The following OR56A3 variants were observed in gnomAD, a reference collection of about 807,000 sequenced individuals.
OR56A3 encodes the protein olfactory receptor 56A3.
In OR56A3, 23 loss-of-function variants were observed where a neutral mutation model predicts 17.5. The ratio of observed to expected loss-of-function variants is 1.32; its 90% CI spans 0.95 to 1.87. OR56A3 has a LOEUF of 1.87. Ranked by LOEUF, OR56A3 falls within the 40% of genes most tolerant of loss-of-function variation. The probability of loss-of-function intolerance (pLI) is 0.00; values close to 1 mark genes in which losing one functional copy is unlikely to be tolerated. For missense variants in OR56A3, 366 were observed against 380.1 expected (o/e 0.96, Z 0.31); for synonymous variants, 175 against 150.6 (o/e 1.16, Z -1.19).
the OR56A3 span, chr11:5,967,612 A>G: frequency 1.2e-6 from 2 of 1,613,766 alleles, no homozygotes; most frequent in African/African-American, 2.7e-5. Context: ...CTCACACCAT[A>G]AACAATGGGG....
chr11:5,969,208 C>G, the OR56A3 span, among the ~76,000 whole-genome samples: 1 of 152,212 alleles, frequency 6.6e-6, no homozygotes, highest in Non-Finnish European at 1.5e-5. Context: ...AAAGGTTATG[C>G]TGTTTTCATT....
the OR56A3 span, among the ~76,000 whole-genome samples, chr11:5,958,745 T>C: frequency 6.6e-6 from 1 of 152,168 alleles, no homozygotes; most frequent in African/African-American, 2.4e-5. Context: ...TTCTATCTAA[T>C]TGCAATTATG....
At chr11:6,019,281 A>C in the OR56A3 span, 4 of 152,118 alleles carry the variant, frequency 2.6e-5, no homozygotes, top group African/African-American at 9.7e-5. Context: ...GCAAAATACT[A>C]GCAAATCAAA....
chr11:5,985,465 C>T, the OR56A3 span, among the ~76,000 whole-genome samples: 43 of 152,312 alleles, frequency 2.8e-4, no homozygotes, highest in East Asian at 5.2e-3. Flanking sequence ...TCTTACACTG[C>T]GACCTTCTCA....
the OR56A3 span, among the ~76,000 whole-genome samples, chr11:5,975,101 T>C: frequency 1.3e-5 from 2 of 152,182 alleles, no homozygotes; most frequent in Non-Finnish European, 2.9e-5. Flanking sequence ...CTGTCATCAG[T>C]ATAAAGAGAG....
the OR56A3 span, among the ~76,000 whole-genome samples, chr11:5,968,754 T>TA: frequency 2.0e-5 from 3 of 151,996 alleles, no homozygotes; most frequent in Admixed American, 1.3e-4. Context: ...GAAAATGATT[T>TA]AAAAAAACCT....
the OR56A3 span, among the ~76,000 whole-genome samples, chr11:5,988,137 A>G: frequency 1.3e-5 from 2 of 152,170 alleles, no homozygotes; most frequent in African/African-American, 2.4e-5. Context: ...TCTGTCTCCA[A>G]ATTCCTTTAT....
the OR56A3 span, chr11:6,000,364 C>CA: frequency 1.3e-5 from 2 of 151,962 alleles, no homozygotes; most frequent in African/African-American, 4.8e-5. Context: ...ATCGCAAGGA[C>CA]AAAAAACCAA....
chr11:5,967,418 A>G, the OR56A3 span: 10 of 653,486 alleles, frequency 1.5e-5, no homozygotes, highest in South Asian at 2.1e-4. Context: ...ATATCCCTAT[A>G]ATCAATTGAA....
chr11:5,954,181 G>A (rs1387017779), downstream of OR56A3, among the ~76,000 whole-genome samples: 1 of 152,120 alleles, frequency 6.6e-6, no homozygotes, highest in Non-Finnish European at 1.5e-5. Flanking sequence ...GTGTGTGTGA[G>A]AACCAGCACA....
intron 2 of OR56A3, among the ~76,000 whole-genome samples, chr11:5,945,601 A>AAAAAAG (rs1194101404): frequency 3.6e-5 from 5 of 137,232 alleles, no homozygotes; most frequent in African/African-American, 5.7e-5. Flanking sequence ...AAAAAAAAAA[A>AAAAAAG]AATTATTTCT....
the OR56A3 span, among the ~76,000 whole-genome samples, chr11:5,996,564 G>A: frequency 6.6e-6 from 1 of 150,520 alleles, no homozygotes. Flanking sequence ...AAAATTTCTA[G>A]ATTCCTCCAA....
the OR56A3 span, chr11:6,002,378 T>C: frequency 1.2e-6 from 2 of 1,614,178 alleles, no homozygotes; most frequent in Admixed American, 1.7e-5. Flanking sequence ...GAGTCCAGCC[T>C]GCCACAAACT....
the OR56A3 span, among the ~76,000 whole-genome samples, chr11:5,972,753 C>T: frequency 1.5e-3 from 224 of 152,230 alleles, no homozygotes; most frequent in African/African-American, 4.7e-3. Flanking sequence ...CTCAGCCTCC[C>T]GAGTAGGTGG....
At chr11:6,006,926 G>T in the OR56A3 span, 1 of 152,380 alleles carries the variant, frequency 6.6e-6, no homozygotes, top group South Asian at 2.1e-4. Flanking sequence ...ACCAAATTCA[G>T]AAGGCTGTAC....
the OR56A3 span, among the ~76,000 whole-genome samples, chr11:5,991,362 A>G: frequency 6.6e-6 from 1 of 152,058 alleles, no homozygotes; most frequent in Non-Finnish European, 1.5e-5. Context: ...TTTTCCATCT[A>G]TATTCTTTTC....
the OR56A3 span, among the ~76,000 whole-genome samples, chr11:6,011,378 T>C: frequency 6.6e-6 from 1 of 152,128 alleles, no homozygotes; most frequent in Non-Finnish European, 1.5e-5. Flanking sequence ...GAAAATGTTC[T>C]TAAACAATAA....
the OR56A3 span, among the ~76,000 whole-genome samples, chr11:5,960,038 T>C: frequency 6.6e-6 from 1 of 152,228 alleles, no homozygotes. Context: ...CCTGTTTTTA[T>C]GCCAGTACCG....
chr11:6,019,518 G>A, the OR56A3 span: 23,561 of 152,222 alleles, frequency 0.15, 1,948 homozygotes, highest in Admixed American at 0.2. Flanking sequence ...AATCATGGCA[G>A]AAGACAAGAA....
Sources: allele counts gnomAD v4.1 joint callset (sites outside exome capture counted in the v4.1 genomes callset), GRCh38; gene constraint gnomAD v4.1.1; transcripts MANE v1.5; gene names NCBI Gene and HGNC (gene_info 2026-07-23, HGNC 2026-07-21).